The following BRINP2 variants were observed in gnomAD, a reference collection of about 807,000 sequenced individuals.
BRINP2 encodes the protein BMP/retinoic acid-inducible neural-specific protein 2.
A neutral mutation model predicts 69.2 loss-of-function variants in BRINP2; 21 were observed. That is an observed-to-expected ratio of 0.30 (90% confidence interval 0.22 to 0.44). The LOEUF (loss-of-function observed/expected upper bound fraction) is 0.44, where lower values mean the gene tolerates loss of function less well. Ranked by LOEUF, BRINP2 falls within the 20% of genes least tolerant of loss-of-function variation. BRINP2 has a pLI of 1.00. For synonymous variants in BRINP2, 380 were observed against 394.1 expected (o/e 0.96, Z 0.42); for missense variants, 877 against 986.0 (o/e 0.89, Z 1.48).
At chr1:177,185,836 G>T (rs1648410151) in intron 1 of BRINP2, among the ~76,000 whole-genome samples, 1 of 152,162 alleles carries the variant, frequency 6.6e-6, no homozygotes, top group Non-Finnish European at 1.5e-5. Context: ...TCCTCTAGTA[G>T]CAGTGTTCTG....
intron 1 of BRINP2, among the ~76,000 whole-genome samples, chr1:177,208,557 A>T (rs1649127903): frequency 6.6e-6 from 1 of 152,064 alleles, no homozygotes; most frequent in African/African-American, 2.4e-5. Flanking sequence ...ATCTGTAGAG[A>T]GTGTGCATTA....
chr1:177,200,957 C>A (rs1486434687), intron 1 of BRINP2, among the ~76,000 whole-genome samples: 1 of 151,830 alleles, frequency 6.6e-6, no homozygotes, highest in East Asian at 1.9e-4. Context: ...AACCAAATAC[C>A]GTATGTTCTC....
In BRINP2 at chr1:177,257,180, A is replaced by G; in HGVS notation, c.465A>G (p.Glu155=). The G allele has an allele frequency of 6.2e-7, 1 of 1,614,016 alleles. No homozygotes were observed. The highest frequency in any genetic ancestry group is 8.5e-7 in the Non-Finnish European group (1 of 1,179,988). The change falls in exon 4 of 8, where the codon GAA becomes GAG. Residue 155 remains glutamate (E), a synonymous_variant. Transcript: ENST00000361539. ...CACTCGTGTTGTTCACCATAGGAGA[A>G]GAGTCCCTGACCATTTTTGTGGACA... ...HFLLSATLGG[E]ESLTIFVDKQ...
At chr1:177,260,546 G>T (rs974773200) in intron 4 of BRINP2, among the ~76,000 whole-genome samples, 1 of 152,138 alleles carries the variant, frequency 6.6e-6, no homozygotes, top group African/African-American at 2.4e-5. Context: ...GAAAGGAAGA[G>T]TCCATTGATG....
intron 2 of BRINP2, among the ~76,000 whole-genome samples, chr1:177,255,570 T>C (rs535616071): frequency 6.6e-6 from 1 of 152,342 alleles, no homozygotes; most frequent in African/African-American, 2.4e-5. Flanking sequence ...TGTGATTAGA[T>C]CACATCTTTG....
chr1:177,199,116 T>C lies in BRINP2; in HGVS notation c.-77+27384T>C, dbSNP rs541093759. ...GGGAGTAGGAGTCAGGGGAAGCATA[T>C]GTAAAGATCTTTGACCTATTTTAAG... On this transcript the variant is annotated intron_variant, in intron 1 of 7. Transcript: ENST00000361539. Among the ~76,000 whole-genome samples the C allele has an allele frequency of 1.2e-3, 190 of 152,346 alleles. 1 individual carries two copies. The highest frequency in any genetic ancestry group is 4.1e-3 in the African/African-American group (171 of 41,586).
At chr1:177,280,309 C>T in intron 7 of BRINP2, 103 bp from the exon 8 acceptor site, 2 of 1,194,104 alleles carry the variant, frequency 1.7e-6, no homozygotes, top group Non-Finnish European at 2.4e-6. Flanking sequence ...TTATTTTCCT[C>T]ATTGCCTTCC....
intron 1 of BRINP2, among the ~76,000 whole-genome samples, chr1:177,208,104 T>C (rs1231391345): frequency 6.6e-6 from 1 of 152,306 alleles, no homozygotes; most frequent in Non-Finnish European, 1.5e-5. Flanking sequence ...TCCTCATCCA[T>C]AAAAAGAATC....
intron 4 of BRINP2, among the ~76,000 whole-genome samples, chr1:177,272,527 T>C (rs1204752589): frequency 6.6e-6 from 1 of 152,206 alleles, no homozygotes; most frequent in African/African-American, 2.4e-5. Context: ...GATTCAGACA[T>C]GGATCACATA....
At chr1:177,174,699 G>A (rs1367623660) in intron 1 of BRINP2, among the ~76,000 whole-genome samples, 1 of 152,192 alleles carries the variant, frequency 6.6e-6, no homozygotes, top group Non-Finnish European at 1.5e-5. Flanking sequence ...TGGAAACTTC[G>A]AGGCTTGCTT....
chr1:177,269,369 G>A (rs992702855), intron 4 of BRINP2, among the ~76,000 whole-genome samples: 4 of 152,192 alleles, frequency 2.6e-5, no homozygotes, highest in African/African-American at 9.6e-5. Flanking sequence ...CCCCAGAAGG[G>A]ATTAGAGCCA....
intron 7 of BRINP2, 113 bp downstream of exon 7, chr1:177,278,898 T>C (rs1651601327): frequency 1.0e-6 from 1 of 994,494 alleles, no homozygotes; most frequent in Non-Finnish European, 1.5e-6. Flanking sequence ...GACTCACACA[T>C]AGCCTTCCAG....
chr1:177,192,451 T>C (rs1196257451), intron 1 of BRINP2, among the ~76,000 whole-genome samples: 1 of 152,176 alleles, frequency 6.6e-6, no homozygotes, highest in Non-Finnish European at 1.5e-5. Context: ...GGTGTGAGAT[T>C]AGGGAAACCC....
Position 177,211,376 on chromosome 1 carries a change from G to C in BRINP2, c.-76-18425G>C, listed in dbSNP as rs552376497. ...CCCTTCACCCAGTGACCCTTTCAAGGTTTACAGCTGACCCAGTAACAGCCT... is the reference window on the plus strand; with the variant it reads ...CCCTTCACCCAGTGACCCTTTCAAGCTTTACAGCTGACCCAGTAACAGCCT... On this transcript the variant is annotated intron_variant, in intron 1 of 7. Transcript: ENST00000361539. Among the ~76,000 whole-genome samples, 10 of 152,202 alleles carry C rather than the reference G, an allele frequency of 6.6e-5. No homozygotes were observed. The South Asian group carries it at 1.9e-3, about 28-fold the overall frequency.
intron 1 of BRINP2, among the ~76,000 whole-genome samples, chr1:177,182,285 T>C (rs760104079): frequency 2.0e-5 from 3 of 152,026 alleles, no homozygotes; most frequent in Non-Finnish European, 4.4e-5. Flanking sequence ...CACCTCTCAG[T>C]AACCTGATCA....
At chr1:177,275,225 G>A (rs988760997) in intron 5 of BRINP2, 10 of 456,158 alleles carry the variant, frequency 2.2e-5, no homozygotes, top group African/African-American at 2.0e-4. Context: ...AAGCCAACTA[G>A]GAGTATGTTC....
chr1:177,180,267 G>A (rs948952435), intron 1 of BRINP2, among the ~76,000 whole-genome samples: 1 of 152,166 alleles, frequency 6.6e-6, no homozygotes, highest in East Asian at 1.9e-4. Context: ...CCTGCACCAT[G>A]CCCTCTGCCT....
chr1:177,208,696 A>C (rs1463154272), intron 1 of BRINP2, among the ~76,000 whole-genome samples: 1 of 151,870 alleles, frequency 6.6e-6, no homozygotes, highest in Non-Finnish European at 1.5e-5. Flanking sequence ...GTAAGATTTG[A>C]TTTTAACACA....
chr1:177,281,261 T>A lies in BRINP2; in HGVS notation c.2085T>A (p.Asp695Glu), dbSNP rs775522484. 1 of 1,614,196 alleles carries A rather than the reference T, an allele frequency of 6.2e-7. No homozygotes were observed. Among genetic ancestry groups the A allele is most frequent in the Non-Finnish European group, 8.5e-7 (1 of 1,180,038 alleles). The change falls in exon 8 of 8, where the codon GAT (aspartate) becomes GAA (glutamate). Residue 695 changes from aspartate (D) to glutamate (E), a missense_variant. Around this residue, in one of 3 missense-constraint regions of BRINP2, gnomAD observed 225 missense variants for 218.7 expected, o/e 1.03. Coordinates refer to ENST00000361539, the MANE Select transcript of BRINP2 (RefSeq NM_021165.4). ...GCTACAGCCTGCCCTTTGACCCAGA[T>A]GCTATCCGGGACTTAATTCTCCAGT... ...VFGYSLPFDP[D>E]AIRDLILQLD...
Sources: gnomAD v4.1 joint callset for allele counts (sites outside exome capture counted in the v4.1 genomes callset) on GRCh38, gnomAD v4.1.1 for gene constraint, gnomAD v4.1.1 regional missense constraint, MANE v1.5 for transcripts, NCBI Gene and HGNC (gene_info 2026-07-23, HGNC 2026-07-21) for gene names.